CALN1: variants seen among roughly 807,000 people sequenced by gnomAD.
The protein encoded by CALN1 is calcium-binding protein 8.
In CALN1, 17 loss-of-function variants were observed where a neutral mutation model predicts 30.6. That is an observed-to-expected ratio of 0.56 (90% CI 0.38 to 0.83). The LOEUF is 0.83. CALN1 is among the 40% of genes least tolerant of loss of function. CALN1 has a pLI of 0.00. For synonymous variants in CALN1, 156 were observed against 131.4 expected (o/e 1.19, Z -1.28); for missense variants, 291 against 354.9 (o/e 0.82, Z 1.45).
At chr7:72,277,928 G>T (rs1011998569) in intron 3 of CALN1, among the ~76,000 whole-genome samples, 1 of 144,366 alleles carries the variant, frequency 6.9e-6, no homozygotes. Context: ...AAACACGAGG[G>T]AAAACTGATT....
the CALN1 span, among the ~76,000 whole-genome samples, chr7:72,488,875 G>A: frequency 6.6e-6 from 1 of 151,966 alleles, no homozygotes; most frequent in Non-Finnish European, 1.5e-5. Context: ...GTAGAGATAG[G>A]GTCTCACTAT....
At chr7:72,210,989 G>C (rs959662505) in intron 3 of CALN1, among the ~76,000 whole-genome samples, 13 of 152,028 alleles carry the variant, frequency 8.6e-5, no homozygotes, top group African/African-American at 3.1e-4. Context: ...AGGAGTTCAA[G>C]GCTGTAGTGA....
intron 5 of CALN1, among the ~76,000 whole-genome samples, chr7:71,882,679 T>TAA (rs746524699): frequency 1.1e-4 from 16 of 146,190 alleles, no homozygotes; most frequent in African/African-American, 2.5e-4. Context: ...TTGTCCTACT[T>TAA]AAAAAAAAAA....
At chr7:71,882,567 T>A (rs1183012551) in intron 5 of CALN1, among the ~76,000 whole-genome samples, 1 of 152,278 alleles carries the variant, frequency 6.6e-6, no homozygotes, top group East Asian at 1.9e-4. Context: ...ATCTTGCAAA[T>A]CCTGGATACA....
intron 3 of CALN1, among the ~76,000 whole-genome samples, chr7:72,183,623 G>A (rs1290231857): frequency 6.6e-6 from 1 of 152,196 alleles, no homozygotes; most frequent in African/African-American, 2.4e-5. Context: ...CCAAATCACA[G>A]TGCAAATTGA....
chr7:71,986,232 G>A (rs1303933735), intron 5 of CALN1, among the ~76,000 whole-genome samples: 1 of 151,982 alleles, frequency 6.6e-6, no homozygotes, highest in Non-Finnish European at 1.5e-5. Flanking sequence ...ATTTTTAGTA[G>A]AGATGGGGTT....
chr7:71,960,525 G>A (rs991664550), intron 5 of CALN1, among the ~76,000 whole-genome samples: 36 of 152,170 alleles, frequency 2.4e-4, no homozygotes, highest in Admixed American at 2.4e-3. Context: ...TTTTATGGCT[G>A]AGTAGTATTC....
chr7:72,102,716 G>C (rs1397053544), intron 4 of CALN1, among the ~76,000 whole-genome samples: 1 of 152,196 alleles, frequency 6.6e-6, no homozygotes, highest in Admixed American at 6.5e-5. Flanking sequence ...TATAGAGACA[G>C]AAAATAGAGA....
intron 3 of CALN1, among the ~76,000 whole-genome samples, chr7:72,123,612 C>T (rs1202949929): frequency 6.6e-6 from 1 of 152,176 alleles, no homozygotes; most frequent in African/African-American, 2.4e-5. Flanking sequence ...GACTGGCTCA[C>T]GGAAGCTCAG....
intron 2 of CALN1, among the ~76,000 whole-genome samples, chr7:72,304,018 G>A (rs746473873): frequency 1.1e-4 from 17 of 152,164 alleles, no homozygotes; most frequent in Non-Finnish European, 2.4e-4. Context: ...ATTTCAGATA[G>A]AGAACAAATG....
chr7:72,291,875 G>A (rs1193607257), intron 2 of CALN1, among the ~76,000 whole-genome samples: 1 of 151,998 alleles, frequency 6.6e-6, no homozygotes, highest in Non-Finnish European at 1.5e-5. Context: ...GCCTCCCAAA[G>A]TACTGGGATT....
intron 2 of CALN1, among the ~76,000 whole-genome samples, chr7:72,383,797 G>A (rs1450593985): frequency 6.6e-6 from 1 of 152,188 alleles, no homozygotes; most frequent in Non-Finnish European, 1.5e-5. Context: ...GTGCAGCTAA[G>A]GGTGGAGGCA....
chr7:71,831,917 C>G (rs995460570), intron 5 of CALN1, among the ~76,000 whole-genome samples: 4 of 84,830 alleles, frequency 4.7e-5, no homozygotes, highest in African/African-American at 1.6e-4. Context: ...AACAAGAAAA[C>G]TAAATAATAA....
At chr7:72,077,704 G>T (rs1002345492) in intron 4 of CALN1, among the ~76,000 whole-genome samples, 1 of 152,210 alleles carries the variant, frequency 6.6e-6, no homozygotes, top group African/African-American at 2.4e-5. Flanking sequence ...ACACAGATAG[G>T]TGTGTGTCCA....
intron 1 of CALN1, among the ~76,000 whole-genome samples, chr7:72,430,272 TTATC>T (rs1471418568): frequency 2.0e-5 from 3 of 148,064 alleles, no homozygotes; most frequent in East Asian, 1.9e-4. Context: ...AAATATATAT[TTATC>T]TATAATAATT....
chr7:71,905,207 A>G (rs997776890), intron 5 of CALN1, among the ~76,000 whole-genome samples: 1 of 152,096 alleles, frequency 6.6e-6, no homozygotes. Context: ...CCAAAGTGCT[A>G]GGATTACAGG....
chr7:72,133,198 C>T (rs2129542957), intron 3 of CALN1, among the ~76,000 whole-genome samples: 1 of 152,124 alleles, frequency 6.6e-6, no homozygotes, highest in Admixed American at 6.6e-5. Context: ...AAAAATAATG[C>T]TTATAGACTC....
rs563254570 is a variant in CALN1, at chr7:72,230,507, T to G, written c.244+48179A>C. Among the ~76,000 whole-genome samples, 42 of 146,704 alleles carry G rather than the reference T, an allele frequency of 2.9e-4. No homozygotes were observed. The South Asian group carries it at 9.1e-3, about 32-fold the overall frequency. ...TGGGCAAAAGAGTGAGGCCCTGTCTTGAGAAAAAAAAAAAAAGATGGAAGA... is the reference window on the plus strand; with the variant it reads ...TGGGCAAAAGAGTGAGGCCCTGTCTGGAGAAAAAAAAAAAAAGATGGAAGA... On this transcript the variant is annotated intron_variant, in intron 3 of 6. Coordinates refer to ENST00000395275, the MANE Select transcript of CALN1 (RefSeq NM_031468.4).
chr7:72,206,814 A>C (rs1200670153), intron 3 of CALN1, among the ~76,000 whole-genome samples: 2 of 152,264 alleles, frequency 1.3e-5, no homozygotes. Context: ...CTGCTTATTC[A>C]GCCTTTAATA....
Sources: allele counts gnomAD v4.1 joint callset (sites outside exome capture counted in the v4.1 genomes callset), GRCh38; gene constraint gnomAD v4.1.1; transcripts MANE v1.5; gene names NCBI Gene and HGNC (gene_info 2026-07-23, HGNC 2026-07-21).